DENND1C: variants seen among roughly 807,000 people sequenced by gnomAD.
DENND1C encodes DENN domain-containing protein 1C.
In DENND1C, 64 loss-of-function variants were observed where a neutral mutation model predicts 87.9. That is an observed-to-expected ratio of 0.73 (90% confidence interval 0.60 to 0.90). The LOEUF (loss-of-function observed/expected upper bound fraction) is 0.90, where lower values mean the gene tolerates loss of function less well. DENND1C is among the 40% of genes least tolerant of loss of function. The pLI is 0.00. For synonymous variants in DENND1C, 384 were observed against 424.4 expected (o/e 0.90, Z 1.17); for missense variants, 980 against 1,037.0 (o/e 0.95, Z 0.76).
Position 6,467,390 on chromosome 19 carries a change from A to G in DENND1C, c.*114T>C, listed in dbSNP as rs562756983. 7.4e-7 allele frequency: 1 copy of G among 1,358,714 alleles called. No individual in the cohort carries two copies. Among genetic ancestry groups the G allele is most frequent in the East Asian group, 2.7e-5 (1 of 37,726 alleles). 84.2% of individuals were successfully genotyped at this position (1,358,714 alleles called of 1,614,324 possible). Reference sequence around the variant, plus strand: ...CCTTGGAGGGACAGAGGTGGGTGGGATGGATTTCCGAGCAGAGTGAGGGCA... The same window carrying G: ...CCTTGGAGGGACAGAGGTGGGTGGGGTGGATTTCCGAGCAGAGTGAGGGCA... On this transcript the variant is annotated 3_prime_UTR_variant, in exon 23 of 23. Coordinates refer to ENST00000381480, the MANE Select transcript of DENND1C (RefSeq NM_024898.4).
chr19:6,470,308 T>G lies in DENND1C; in HGVS notation c.1349A>C (p.Asn450Thr). Residue 450 changes from asparagine to threonine, a missense_variant, in exon 18 of 23, where the codon AAC (asparagine) becomes ACC (threonine). By Grantham distance (65) the Asn-to-Thr change is moderately conservative. Coordinates refer to ENST00000381480, the MANE Select transcript of DENND1C (RefSeq NM_024898.4). ...VKAKTQPAVK[N>T]MYRSAKSGLK... The stretch of plus-strand genomic sequence containing the variant: ...GCTCAGCCTCACCGAGCGGTACATG[T>G]TCTTGACGGCTGGTTGGGTCTTGGC... 6.2e-7 allele frequency: 1 copy of G among 1,611,208 alleles called. No homozygotes were observed. The highest frequency in any genetic ancestry group is 1.7e-5 in the Admixed American group (1 of 59,542).
intron 12 of DENND1C, 46 bp downstream of exon 12, chr19:6,475,660 A>G: frequency 6.2e-7 from 1 of 1,611,958 alleles, no homozygotes. Context: ...ATGTAGAGGA[A>G]GGGGGAACCC....
intron 1 of DENND1C, 137 bp from the exon 2 acceptor site, chr19:6,480,188 CTG>C: frequency 6.7e-7 from 1 of 1,488,086 alleles, no homozygotes; most frequent in Middle Eastern, 2.4e-4. Flanking sequence ...GGGTTTGTGG[CTG>C]TGAGTGTGTG....
chr19:6,472,917 C>T lies in DENND1C; in HGVS notation c.1130G>A (p.Arg377Gln), dbSNP rs367846389. Residue 377 changes from arginine to glutamine, a missense_variant, in exon 15 of 23, where the codon CGG (arginine) becomes CAG (glutamine). Physicochemically the swap from Arg to Gln is conservative, Grantham distance 43. Transcript: ENST00000381480. The part of the protein sequence containing the change: ...PGAPLQAFHR[R>Q]AVHLQLFKQF... ...TTTGAACAGCTGCAGGTGCACAGCC[C>T]GCCGGTGGAAGGCCTGCAGAGGTGC... is the stretch of plus-strand genomic sequence containing the variant. 4.5e-5 allele frequency: 71 copies of T among 1,588,504 alleles called. No homozygotes were observed. The highest frequency in any genetic ancestry group is 7.1e-5 in the Admixed American group (4 of 56,048).
chr19:6,476,807 G>T, intron 10 of DENND1C, 50 bp downstream of exon 10: 2 of 1,561,840 alleles, frequency 1.3e-6, no homozygotes, highest in East Asian at 2.3e-5. Flanking sequence ...CCGCCCCCCG[G>T]GGCGGAGCCA....
At position 6,468,215 on chromosome 19, in the gene DENND1C, G is replaced by A. The variant is rs1369097577; in HGVS notation, c.1791+19C>T. On this transcript the variant is annotated intron_variant, in intron 22 of 22. Transcript: ENST00000381480. ...GGGAAGACTTGGGGTAGGGTTGGGG[G>A]AGTGGGCGAGGCTCTCACCAGGCTG... is the stretch of plus-strand genomic sequence containing the variant. The A allele has an allele frequency of 1.2e-6, 2 of 1,613,002 alleles. No individual in the cohort carries two copies. Among genetic ancestry groups the A allele is most frequent in the Non-Finnish European group, 1.7e-6 (2 of 1,179,416 alleles).
At chr19:6,480,340 T>C in intron 1 of DENND1C, 1 of 1,351,678 alleles carries the variant, frequency 7.4e-7, no homozygotes, top group Non-Finnish European at 9.6e-7. Context: ...GCAGTGTGTG[T>C]GTGATCCTGT....
At chr19:6,470,621 T>TG (rs1491177757) in intron 17 of DENND1C, among the ~76,000 whole-genome samples, 1 of 43,756 alleles carries the variant, frequency 2.3e-5, no homozygotes, top group East Asian at 2.5e-4. Context: ...TTTTTTTTTG[T>TG]TTTTTTTTTT....
rs2092869234 is a variant in DENND1C at position 6,477,440 on chromosome 19, G to A, written c.385C>T (p.Leu129Phe). 1 of 1,613,086 alleles carries A rather than the reference G, an allele frequency of 6.2e-7. No individual in the cohort carries two copies. Among genetic ancestry groups the A allele is most frequent in the Non-Finnish European group, 8.5e-7 (1 of 1,179,712 alleles). Residue 129 changes from leucine to phenylalanine, a missense_variant, in exon 7 of 23, where the codon CTT becomes TTT. Coordinates refer to ENST00000381480, the MANE Select transcript of DENND1C (RefSeq NM_024898.4). ...GACTGCTGAAACAGATTTTGAAGAA[G>A]TTCCTCTGCCTCGGTGACCTGGGTG... ...AQDQVTEAEE[L>F]LQNLFQQSLS...
Position 6,468,323 on chromosome 19 carries a change from T to A in DENND1C, c.1702A>T (p.Ser568Cys). 1 of 1,613,888 alleles carries A rather than the reference T, an allele frequency of 6.2e-7. No individual in the cohort carries two copies. Among genetic ancestry groups the A allele is most frequent in the East Asian group, 2.2e-5 (1 of 44,876 alleles). The change falls in exon 22 of 23, where the codon AGC becomes TGC. Residue 568 changes from serine (S) to cysteine (C), a missense_variant. Physicochemically the swap from Ser to Cys is moderately radical, Grantham distance 112. Coordinates refer to ENST00000381480, the MANE Select transcript of DENND1C (RefSeq NM_024898.4). ...CTGCCTGCGCTCTTGGCTCCCATGC[T>A]AAGACTGTCCAGAATCTCGCTCAAC... ...DLLSEILDSLSMGAKSAGSLR... is the reference protein window; with the variant it reads ...DLLSEILDSLCMGAKSAGSLR...
At chr19:6,476,189 A>G in intron 10 of DENND1C, 1 of 498,216 alleles carries the variant, frequency 2.0e-6, no homozygotes, top group Non-Finnish European at 3.5e-6. Flanking sequence ...TTAATAGGCA[A>G]CACCCCTGAG....
intron 6 of DENND1C, among the ~76,000 whole-genome samples, chr19:6,478,274 G>A (rs1345688202): frequency 6.6e-6 from 1 of 151,914 alleles, no homozygotes; most frequent in Non-Finnish European, 1.5e-5. Context: ...ACGGAGTTTC[G>A]CTCCTGTTGC....
chr19:6,475,588 G>A lies in DENND1C; in HGVS notation c.826-3C>T. 5.0e-6 allele frequency: 8 copies of A among 1,614,000 alleles called. No individual in the cohort carries two copies. The highest frequency in any genetic ancestry group is 6.8e-6 in the Non-Finnish European group (8 of 1,179,858). On this transcript the variant is annotated splice_region_variant and splice_polypyrimidine_tract_variant and intron_variant, in intron 12 of 22. Coordinates refer to ENST00000381480, the MANE Select transcript of DENND1C (RefSeq NM_024898.4). ...TCCAGGGCTTTTTCTCGTACTCTCT[G>A]CGGAAAAGCGGGGTCGGCCGCTCAG...
At chr19:6,475,456 G>A in intron 13 of DENND1C, 28 bp downstream of exon 13, 1 of 1,613,762 alleles carries the variant, frequency 6.2e-7, no homozygotes, top group South Asian at 1.1e-5. Flanking sequence ...GCCTCCCGGG[G>A]CAGGAAGGTG....
intron 14 of DENND1C, among the ~76,000 whole-genome samples, chr19:6,473,997 C>A (rs907857587): frequency 6.6e-5 from 10 of 151,930 alleles, no homozygotes; most frequent in Admixed American, 6.6e-4. Context: ...GAGTTTGAGA[C>A]CAGCCTGGCT....
rs560365219 is a variant in DENND1C at position 6,472,076 on chromosome 19, G to A, written c.1159-580C>T. Among the ~76,000 whole-genome samples, 30 of 152,174 alleles carry A rather than the reference G, an allele frequency of 2.0e-4. No individual in the cohort carries two copies. The South Asian group carries it at 3.9e-3, about 20-fold the overall frequency. ...CTGCCCCCTCTAGAACTACCCACCC[G>A]CTCTCATTGAATCAAGAGTAGGTGG... On this transcript the variant is annotated intron_variant, in intron 15 of 22. Coordinates refer to ENST00000381480, the MANE Select transcript of DENND1C (RefSeq NM_024898.4).
At position 6,477,389 on chromosome 19, in the gene DENND1C, C is replaced by T; in HGVS notation, c.436G>A (p.Gly146Arg). The change falls in exon 7 of 23, where the codon GGG (glycine) becomes AGG (arginine). Residue 146 changes from glycine (G) to arginine (R), a missense_variant. Gly to Arg is a moderately radical substitution (Grantham distance 125, BLOSUM62 -2). Coordinates refer to ENST00000381480, the MANE Select transcript of DENND1C (RefSeq NM_024898.4). ...QSLSGPQASV[G>R]LELGSGVTVS... is the part of the protein sequence containing the mutation. ...TGGGAGCTACTCACCAGCTCAAGCC[C>T]CACTGAGGCCTGGGGCCCAGACAGG... is the stretch of plus-strand genomic sequence containing the variant. The T allele has an allele frequency of 6.2e-7, 1 of 1,613,522 alleles. No individual in the cohort carries two copies. The highest frequency in any genetic ancestry group is 1.1e-5 in the South Asian group (1 of 91,030).
chr19:6,476,617 C>T (rs1277940367), intron 10 of DENND1C: 8 of 509,102 alleles, frequency 1.6e-5, no homozygotes, highest in Non-Finnish European at 2.1e-5. Flanking sequence ...AGACGTGTTG[C>T]GGCCCATAGT....
rs770181388 is a variant in DENND1C, at chr19:6,472,943, C to A, written c.1104G>T (p.Gly368=). 2 of 1,592,226 alleles carry A rather than the reference C, an allele frequency of 1.3e-6. No individual in the cohort carries two copies. Among genetic ancestry groups the A allele is most frequent in the East Asian group, 4.6e-5 (2 of 43,744 alleles). Residue 368 remains glycine, a synonymous_variant, in exon 15 of 23, where the codon GGG becomes GGT. Coordinates refer to ENST00000381480, the MANE Select transcript of DENND1C (RefSeq NM_024898.4). Reference sequence around the variant, plus strand: ...GCCGGTGGAAGGCCTGCAGAGGTGCCCCAGGCTTCTGGGCCAAGAAGACTT... The same window carrying A: ...GCCGGTGGAAGGCCTGCAGAGGTGCACCAGGCTTCTGGGCCAAGAAGACTT... ...SEEVFLAQKP[G]APLQAFHRRA...
Sources: gnomAD v4.1 joint callset for allele counts (sites outside exome capture counted in the v4.1 genomes callset) on GRCh38, gnomAD v4.1.1 for gene constraint, MANE v1.5 for transcripts, NCBI Gene and HGNC (gene_info 2026-07-23, HGNC 2026-07-21) for gene names.